XKR6: variants seen among roughly 807,000 people sequenced by gnomAD.
The protein encoded by XKR6 is XK related 6, also known as XK-related protein 6.
XKR6 carries 22 observed loss-of-function variants against 56.7 expected under a neutral mutation model. The ratio of observed to expected loss-of-function variants is 0.39; its 90% CI spans 0.28 to 0.55. The LOEUF is 0.55. Ranked by LOEUF, XKR6 falls within the 20% of genes least tolerant of loss-of-function variation. The pLI is 0.66. For synonymous variants in XKR6, 524 were observed against 387.8 expected, an observed-to-expected ratio of 1.35 and a Z score of -4.13; for missense variants, 852 against 889.0, an observed-to-expected ratio of 0.96 and a Z score of 0.53.
At chr8:11,198,463 TAGAC>T (rs1260499965) in intron 1 of XKR6, among the ~76,000 whole-genome samples, 26 of 150,090 alleles carry the variant, frequency 1.7e-4, no homozygotes, top group African/African-American at 5.9e-4. Context: ...AAAAAAAAAC[TAGAC>T]AGTAAAGTCA....
intron 2 of XKR6, among the ~76,000 whole-genome samples, chr8:10,920,441 T>C (rs1292339979): frequency 6.6e-6 from 1 of 152,258 alleles, no homozygotes; most frequent in Non-Finnish European, 1.5e-5. Flanking sequence ...GTCAAACAAC[T>C]GTCAAGTAAC....
At chr8:11,174,165 A>G (rs936359098) in intron 1 of XKR6, among the ~76,000 whole-genome samples, 5 of 152,210 alleles carry the variant, frequency 3.3e-5, no homozygotes, top group Non-Finnish European at 5.9e-5. Context: ...CAAAATGACT[A>G]CAGCTGCCGA....
At chr8:11,097,664 G>C (rs187603207) in intron 1 of XKR6, among the ~76,000 whole-genome samples, 1 of 151,520 alleles carries the variant, frequency 6.6e-6, no homozygotes, top group Admixed American at 6.6e-5. Flanking sequence ...AAAATTAGCC[G>C]GGCGTGGTGG....
chr8:11,142,909 T>C (rs186432537), intron 1 of XKR6, among the ~76,000 whole-genome samples: 105 of 152,316 alleles, frequency 6.9e-4, no homozygotes, highest in Non-Finnish European at 7.4e-5. Flanking sequence ...ACAACGATTT[T>C]TTTAAAAAAG....
At chr8:10,971,246 T>C (rs908176593) in intron 1 of XKR6, among the ~76,000 whole-genome samples, 5 of 151,540 alleles carry the variant, frequency 3.3e-5, no homozygotes, top group Non-Finnish European at 5.9e-5. Flanking sequence ...ACGGCGAAAC[T>C]CCACCTCTAC....
intron 1 of XKR6, chr8:11,106,800 A>C (rs1235109981): frequency 7.0e-6 from 1 of 143,568 alleles, no homozygotes; most frequent in Non-Finnish European, 1.5e-5. Flanking sequence ...CAGTGAGCTG[A>C]GATCATGCCA....
At chr8:10,986,459 A>C (rs1283842298) in intron 1 of XKR6, among the ~76,000 whole-genome samples, 2 of 152,212 alleles carry the variant, frequency 1.3e-5, no homozygotes, top group African/African-American at 2.4e-5. Flanking sequence ...TAAAAGCGAC[A>C]CCATTATCTT....
chr8:11,105,258 T>G (rs752155314), intron 1 of XKR6: 5 of 152,220 alleles, frequency 3.3e-5, no homozygotes, highest in Non-Finnish European at 5.9e-5. Flanking sequence ...AACTCAGGGT[T>G]ACAAACTTTT....
intron 1 of XKR6, among the ~76,000 whole-genome samples, chr8:11,072,433 T>C (rs944365549): frequency 6.6e-6 from 1 of 151,770 alleles, no homozygotes; most frequent in African/African-American, 2.4e-5. Flanking sequence ...CCCTCTCTGT[T>C]TTGGTAAGGT....
At chr8:11,107,462 G>A (rs952163002) in intron 1 of XKR6, among the ~76,000 whole-genome samples, 2 of 152,136 alleles carry the variant, frequency 1.3e-5, no homozygotes, top group African/African-American at 4.8e-5. Flanking sequence ...TAGGATTTTA[G>A]GCGTGAGCCA....
chr8:10,979,307 G>A (rs543122541), intron 1 of XKR6, among the ~76,000 whole-genome samples: 31 of 152,002 alleles, frequency 2.0e-4, no homozygotes, highest in East Asian at 2.0e-3. Flanking sequence ...TAAGTTAACC[G>A]AATAATGCTC....
intron 2 of XKR6, among the ~76,000 whole-genome samples, chr8:10,909,631 T>G (rs1054630449): frequency 6.6e-6 from 1 of 152,194 alleles, no homozygotes; most frequent in African/African-American, 2.4e-5. Flanking sequence ...GAAGGGATCA[T>G]AATCCCCATT....
At chr8:11,155,825 C>T (rs933502409) in intron 1 of XKR6, among the ~76,000 whole-genome samples, 3 of 152,204 alleles carry the variant, frequency 2.0e-5, no homozygotes, top group African/African-American at 7.2e-5. Context: ...GATCTTCTGT[C>T]ATCAATGGCT....
At chr8:10,990,895 C>CTTTT (rs59410799) in intron 1 of XKR6, among the ~76,000 whole-genome samples, 863 of 73,568 alleles carry the variant, frequency 0.012, 145 homozygotes, top group African/African-American at 0.028. Flanking sequence ...TGGGGAATGT[C>CTTTT]TTTTTTTTTT....
chr8:11,135,557 C>A (rs1176827618), intron 1 of XKR6, among the ~76,000 whole-genome samples: 1 of 152,074 alleles, frequency 6.6e-6, no homozygotes, highest in Non-Finnish European at 1.5e-5. Context: ...GTCATTTAGG[C>A]CTTTTTCTAA....
chr8:11,112,916 A>G (rs1453631668), intron 1 of XKR6, among the ~76,000 whole-genome samples: 1 of 152,240 alleles, frequency 6.6e-6, no homozygotes, highest in African/African-American at 2.4e-5. Flanking sequence ...TCTGAGATTA[A>G]GCAGTAAGAA....
At chr8:11,148,690 G>C (rs1015952508) in intron 1 of XKR6, among the ~76,000 whole-genome samples, 2 of 152,110 alleles carry the variant, frequency 1.3e-5, no homozygotes, top group Non-Finnish European at 2.9e-5. Flanking sequence ...TTATCGAGGA[G>C]AAATAAAAAC....
At chr8:11,152,829 C>T (rs566055378) in intron 1 of XKR6, among the ~76,000 whole-genome samples, 5 of 152,240 alleles carry the variant, frequency 3.3e-5, no homozygotes, top group African/African-American at 1.2e-4. Context: ...AATCAAAATT[C>T]TGAATGATGA....
At chr8:10,988,553 G>C (rs1797916325) in intron 1 of XKR6, among the ~76,000 whole-genome samples, 1 of 152,196 alleles carries the variant, frequency 6.6e-6, no homozygotes, top group Non-Finnish European at 1.5e-5. Flanking sequence ...GCTAGGCACA[G>C]TTCCATTCCA....
Sources: gnomAD v4.1 joint callset for allele counts (sites outside exome capture counted in the v4.1 genomes callset) on GRCh38, gnomAD v4.1.1 for gene constraint, MANE v1.5 for transcripts, NCBI Gene and HGNC (gene_info 2026-07-23, HGNC 2026-07-21) for gene names.